SETX: variants seen among roughly 807,000 people sequenced by gnomAD.
The protein encoded by SETX is senataxin.
SETX carries 90 observed loss-of-function variants against 227.2 expected under a neutral mutation model. The ratio of observed to expected loss-of-function variants is 0.40; its 90% CI spans 0.33 to 0.47. The LOEUF (loss-of-function observed/expected upper bound fraction) is 0.47. Among genes scored for constraint, SETX ranks in the 20% least tolerant of loss-of-function variants. The probability of loss-of-function intolerance (pLI) is 0.91; values close to 1 mark genes in which losing one functional copy is unlikely to be tolerated. For synonymous variants in SETX, 1,210 were observed against 1,113.2 expected (o/e 1.09, Z -1.73); for missense variants, 3,052 against 3,181.5 (o/e 0.96, Z 0.98).
chr9:132,265,021 C>CA, intron 25 of SETX, 36 bp from the exon 26 acceptor site: 3 of 1,607,484 alleles, frequency 1.9e-6, no homozygotes, highest in Non-Finnish European at 1.7e-6. Context: ...AATTACACCC[C>CA]AAAGAGACAC....
At chr9:132,269,790 G>A (rs1342050900) in intron 24 of SETX, 88 bp from the exon 25 acceptor site, 38 of 1,302,778 alleles carry the variant, frequency 2.9e-5, no homozygotes, top group Non-Finnish European at 3.7e-5. Flanking sequence ...ATGACTCAAC[G>A]TGCCCGTGTC....
At position 132,328,355 on chromosome 9, in the gene SETX, A is replaced by C; in HGVS notation, c.3243T>G (p.Phe1081Leu). 6.2e-7 allele frequency: 1 copy of C among 1,614,062 alleles called. No homozygotes were observed. Among genetic ancestry groups the C allele is most frequent in the Non-Finnish European group, 8.5e-7 (1 of 1,180,004 alleles). Residue 1081 changes from phenylalanine (F) to leucine (L), a missense_variant, in exon 10 of 26, where the codon TTT (phenylalanine) becomes TTG (leucine). Phe to Leu is a conservative substitution (Grantham distance 22). Transcript: ENST00000224140. ...FQFEESDSQC[F>L]EFESSSEVFS... ...ACACTTCAGATGAACTTTCAAACTC[A>C]AAACACTGAGAATCAGATTCCTCAA...
intron 7 of SETX, among the ~76,000 whole-genome samples, chr9:132,331,753 CCT>C (rs889168367): frequency 5.9e-5 from 9 of 152,202 alleles, no homozygotes; most frequent in Admixed American, 3.9e-4. Flanking sequence ...CTTTTCACAC[CCT>C]GTTTGCCATA....
Position 132,309,610 on chromosome 9 carries a change from A to T in SETX, c.5374+2147T>A, listed in dbSNP as rs766100692. ...CCCAGCACTTCAGAAGGCTGATGAC[A>T]CAGGAGGATCACTTGAGACCAGGAG... On this transcript the variant is annotated intron_variant, in intron 11 of 25. Coordinates refer to ENST00000224140, the MANE Select transcript of SETX (RefSeq NM_015046.7). Among the ~76,000 whole-genome samples, 32 of 152,136 alleles carry T rather than the reference A, an allele frequency of 2.1e-4. 1 individual carries two copies. The highest frequency in any genetic ancestry group is 3.5e-4 in the Non-Finnish European group (24 of 68,006).
intron 10 of SETX, among the ~76,000 whole-genome samples, chr9:132,316,389 T>G (rs1275918058): frequency 6.6e-6 from 1 of 152,222 alleles, no homozygotes; most frequent in Non-Finnish European, 1.5e-5. Context: ...AACTCTCTTC[T>G]TCACATCTGT....
intron 3 of SETX, among the ~76,000 whole-genome samples, chr9:132,347,745 T>C (rs1288444461): frequency 1.3e-5 from 2 of 152,088 alleles, no homozygotes; most frequent in Non-Finnish European, 2.9e-5. Flanking sequence ...TTCCCTTCTA[T>C]GTTCTAGCCA....
At chr9:132,276,953 C>A (rs1289978557) in intron 22 of SETX, 107 bp downstream of exon 22, 3 of 952,390 alleles carry the variant, frequency 3.1e-6, no homozygotes, top group Non-Finnish European at 5.0e-6. Flanking sequence ...TGTGCCCTGA[C>A]ACTAGGCAGA....
At chr9:132,308,549 T>C (rs60118520) in intron 11 of SETX, among the ~76,000 whole-genome samples, 6 of 152,196 alleles carry the variant, frequency 3.9e-5, no homozygotes, top group Admixed American at 3.9e-4. Flanking sequence ...AACTGAAAAT[T>C]TGAACACTGA....
chr9:132,327,864 G>A lies in SETX; in HGVS notation c.3734C>T (p.Thr1245Ile), dbSNP rs1338187617. ...CTGTCCTTTTTTGGCATCTGAATGA[G>A]TTTTCTTAGGGGTCTTAGAAACTGG... The part of the protein sequence containing the change: ...KVPVSKTPKK[T>I]HSDAKKGQNR... The change falls in exon 10 of 26, where the codon ACT (threonine) becomes ATT (isoleucine). Residue 1245 changes from threonine (T) to isoleucine (I), a missense_variant. Thr to Ile is a moderately conservative substitution (Grantham distance 89). Transcript: ENST00000224140. 1.9e-6 allele frequency: 3 copies of A among 1,614,156 alleles called. No homozygotes were observed. The highest frequency in any genetic ancestry group is 2.2e-5 in the South Asian group (2 of 91,084).
Position 132,329,316 on chromosome 9 carries a change from G to A in SETX, c.2282C>T (p.Ser761Leu), listed in dbSNP as rs200153024. 145 of 1,613,752 alleles carry A rather than the reference G, an allele frequency of 9.0e-5. No homozygotes were observed. The African/African-American group carries it at 1.5e-3, about 17-fold the overall frequency. The change falls in exon 10 of 26, where the codon TCG becomes TTG. Residue 761 changes from serine to leucine, a missense_variant. Coordinates refer to ENST00000224140, the MANE Select transcript of SETX (RefSeq NM_015046.7). ...ATCCTTTAAAGAGAAATCTTCATTC[G>A]ATGTGGACACTTTTTCCAAAGCATC... Reference protein sequence around the residue: ...STDALEKVSTSNEDFSLKDDA... With the variant: ...STDALEKVSTLNEDFSLKDDA...
Position 132,351,344 on chromosome 9 carries a change from C to A in SETX, c.-7-1909G>T, listed in dbSNP as rs552987762. On this transcript the variant is annotated intron_variant, in intron 2 of 25. Coordinates refer to ENST00000224140, the MANE Select transcript of SETX (RefSeq NM_015046.7). ...AATAAAATGTTGCATACTTCTTTTC[C>A]CACTTACCTTACTTGAAGCTCCAAA... Among the ~76,000 whole-genome samples, 15 of 152,248 alleles carry A rather than the reference C, an allele frequency of 9.9e-5. No homozygotes were observed. The South Asian group carries it at 2.9e-3, about 29-fold the overall frequency.
chr9:132,311,661 T>C, intron 11 of SETX, 96 bp downstream of exon 11: 1 of 853,298 alleles, frequency 1.2e-6, no homozygotes, highest in Non-Finnish European at 1.9e-6. Flanking sequence ...CTTAGAAAAT[T>C]TGTGTCCCCC....
At chr9:132,308,356 AACACC>A (rs1845453683) in intron 11 of SETX, among the ~76,000 whole-genome samples, 1 of 152,220 alleles carries the variant, frequency 6.6e-6, no homozygotes, top group Non-Finnish European at 1.5e-5. Flanking sequence ...ACACATTCTA[AACACC>A]ACCAAGGGGA....
At chr9:132,276,998 T>C (rs1843199477) in intron 22 of SETX, 62 bp downstream of exon 22, 2 of 1,365,836 alleles carry the variant, frequency 1.5e-6, no homozygotes, top group Non-Finnish European at 2.1e-6. Context: ...AACAGAAATA[T>C]GAATGCAAAT....
At position 132,298,281 on chromosome 9, in the gene SETX, G is replaced by A. The variant is rs111446127; in HGVS notation, c.5580C>T (p.Ser1860=). 6 of 1,613,962 alleles carry A rather than the reference G, an allele frequency of 3.7e-6. No homozygotes were observed. The African/African-American group carries it at 4.0e-5, about 11-fold the overall frequency. The part of the protein sequence containing the change: ...MRNGKTECYL[S]IQTQENFPAN... ...CCGGAAAGTTCTCTTGAGTCTGGAT[G>A]GAAAGGTAACACTCAGTTTTCCCAT... Residue 1860 remains serine (S), a synonymous_variant, in exon 13 of 26, where the codon TCC becomes TCT. Transcript: ENST00000224140.
chr9:132,355,980 C>A (rs1351088426), upstream of SETX, among the ~76,000 whole-genome samples: 4 of 113,638 alleles, frequency 3.5e-5, no homozygotes, highest in East Asian at 5.1e-4. Flanking sequence ...GAGCGAGACT[C>A]TCTCTCCGGA....
rs1006652176 is a variant in SETX, at chr9:132,331,534, C to T, written c.839-86G>A. The T allele has an allele frequency of 3.5e-6, 5 of 1,430,278 alleles. No individual in the cohort carries two copies. The African/African-American group carries it at 7.1e-5, about 20-fold the overall frequency. 88.6% of individuals were successfully genotyped at this position (1,430,278 alleles called of 1,614,324 possible). ...ATTGAGAATTAAGCATATTCTTTAT[C>T]TGGTGAGTAGCAACCCAACTAAAAG... On this transcript the variant is annotated intron_variant, in intron 7 of 25. Coordinates refer to ENST00000224140, the MANE Select transcript of SETX (RefSeq NM_015046.7).
intron 24 of SETX, among the ~76,000 whole-genome samples, chr9:132,271,472 G>GAAGAATCGCTTGAACCC (rs1842900731): frequency 6.6e-6 from 1 of 152,204 alleles, no homozygotes; most frequent in Non-Finnish European, 1.5e-5. Flanking sequence ...GGCTGATGCA[G>GAAGAATCGCTTGAACCC]AAGAATCGCT....
Position 132,281,528 on chromosome 9 carries a change from C to T in SETX, c.6593G>A (p.Arg2198His), listed in dbSNP as rs746887557. ...TCCTACTAGGATGAGCTTATTGCAG[C>T]GATGGATGAGTGGAGTAAGAGTCTC... The part of the protein sequence containing the change: ...EIETLTPLIH[R>H]CNKLILVGDP... The change falls in exon 20 of 26, where the codon CGC (arginine) becomes CAC (histidine). Residue 2198 changes from arginine to histidine, a missense_variant. Physicochemically the swap from Arg to His is conservative, Grantham distance 29. Around this residue, in one of 10 missense-constraint regions of SETX, gnomAD observed 412 missense variants for 589.0 expected, o/e 0.70. Transcript: ENST00000224140. 1.2e-6 allele frequency: 2 copies of T among 1,613,972 alleles called. No individual in the cohort carries two copies. The highest frequency in any genetic ancestry group is 2.2e-5 in the East Asian group (1 of 44,864).
Sources: allele counts gnomAD v4.1 joint callset (sites outside exome capture counted in the v4.1 genomes callset), GRCh38; gene constraint gnomAD v4.1.1; regional missense constraint gnomAD v4.1.1; transcripts MANE v1.5; gene names NCBI Gene and HGNC (gene_info 2026-07-23, HGNC 2026-07-21).